Variants in RGS6 observed in about 807,000 individuals in gnomAD.
RGS6 encodes the protein regulator of G protein signaling 6.
In RGS6, 30 loss-of-function variants were observed where a neutral mutation model predicts 78.5. The ratio of observed to expected loss-of-function variants is 0.38; its 90% confidence interval spans 0.29 to 0.52. RGS6 has a LOEUF of 0.52. Among genes scored for constraint, RGS6 ranks in the 20% least tolerant of loss-of-function variants. The pLI is 0.85. For synonymous variants in RGS6, 206 were observed against 206.0 expected (o/e 1.00, Z 0.00); for missense variants, 495 against 609.7 (o/e 0.81, Z 1.98).
chr14:72,331,891 GAA>G (rs1413568949), intron 2 of RGS6, among the ~76,000 whole-genome samples: 1 of 152,146 alleles, frequency 6.6e-6, no homozygotes, highest in Non-Finnish European at 1.5e-5. Flanking sequence ...GTCCCTTAGA[GAA>G]AAAAGCTGTA....
chr14:72,627,525 A>G, the RGS6 span, among the ~76,000 whole-genome samples: 3 of 151,988 alleles, frequency 2.0e-5, no homozygotes, highest in South Asian at 6.2e-4. Flanking sequence ...CTCCTCATGC[A>G]TCAGTGCCAC....
the RGS6 span, among the ~76,000 whole-genome samples, chr14:72,576,382 T>C: frequency 6.6e-6 from 1 of 152,152 alleles, no homozygotes; most frequent in African/African-American, 2.4e-5. Context: ...CTATCTGTAG[T>C]AGAAATAAAA....
intron 3 of RGS6, among the ~76,000 whole-genome samples, chr14:72,384,809 G>C (rs1342454522): frequency 6.6e-6 from 1 of 152,078 alleles, no homozygotes; most frequent in Non-Finnish European, 1.5e-5. Flanking sequence ...GGAGTGCAGT[G>C]GTGCAATCTT....
the RGS6 span, among the ~76,000 whole-genome samples, chr14:71,881,377 G>T: frequency 6.6e-6 from 1 of 152,282 alleles, no homozygotes. Context: ...GGGAGGGGCT[G>T]GGGTGAAATG....
intron 2 of RGS6, among the ~76,000 whole-genome samples, chr14:72,246,244 C>T (rs118177807): frequency 6.6e-6 from 1 of 152,292 alleles, no homozygotes; most frequent in East Asian, 1.9e-4. Context: ...TTTGAGTTTG[C>T]TGCCTGCACA....
chr14:72,456,964 G>T (rs1026864327), intron 4 of RGS6, among the ~76,000 whole-genome samples: 2 of 151,444 alleles, frequency 1.3e-5, no homozygotes, highest in Non-Finnish European at 2.9e-5. Context: ...TGTGCCTGTG[G>T]TTCCAGCTAC....
intron 2 of RGS6, among the ~76,000 whole-genome samples, chr14:72,109,165 AT>A (rs1279830568): frequency 2.1e-5 from 3 of 144,212 alleles, no homozygotes; most frequent in African/African-American, 7.7e-5. Flanking sequence ...GCTCAATTTT[AT>A]TTTTTTCCCA....
chr14:72,133,550 C>T (rs577650495), intron 2 of RGS6, among the ~76,000 whole-genome samples: 40 of 152,260 alleles, frequency 2.6e-4, no homozygotes, highest in African/African-American at 9.6e-4. Flanking sequence ...GACTTGGCTA[C>T]TGTCCCCTGG....
intron 2 of RGS6, among the ~76,000 whole-genome samples, chr14:72,134,522 A>C (rs986935289): frequency 2.6e-5 from 4 of 152,264 alleles, no homozygotes; most frequent in African/African-American, 9.6e-5. Context: ...CCTTGGGCAC[A>C]AAAATGGAGG....
At chr14:72,447,301 G>T (rs764745084) in intron 3 of RGS6, among the ~76,000 whole-genome samples, 4 of 152,140 alleles carry the variant, frequency 2.6e-5, no homozygotes, top group Admixed American at 6.5e-5. Flanking sequence ...CGGGAAATGC[G>T]CATCCTGGAT....
At chr14:72,411,961 C>T (rs982039707) in intron 3 of RGS6, among the ~76,000 whole-genome samples, 8 of 152,084 alleles carry the variant, frequency 5.3e-5, no homozygotes, top group Admixed American at 2.6e-4. Flanking sequence ...TTGCTGGATT[C>T]GGTTTGCCAG....
In RGS6 at chr14:72,475,830, G is replaced by GCACGCA. The variant is rs1555424338; in HGVS notation, c.694-909_694-908insGCACAC. Among the ~76,000 whole-genome samples the GCACGCA allele has an allele frequency of 3.2e-4, 47 of 145,702 alleles. 1 individual carries two copies. Among genetic ancestry groups the GCACGCA allele is most frequent in the South Asian group, 1.1e-3 (5 of 4,440 alleles). On this transcript the variant is annotated intron_variant, in intron 10 of 17. Coordinates refer to ENST00000553525, the MANE Select transcript of RGS6 (RefSeq NM_001204424.2). ...ATGTATGCATTAAAAAAAAATACACGCACACACACACACACACACACACTA... is the reference window on the plus strand; with the variant it reads ...ATGTATGCATTAAAAAAAAATACACGCACGCACACACACACACACACACACACACTA...
intron 2 of RGS6, among the ~76,000 whole-genome samples, chr14:72,188,959 A>G (rs1347697090): frequency 1.3e-5 from 2 of 152,218 alleles, no homozygotes; most frequent in Non-Finnish European, 2.9e-5. Context: ...GGTTTGGGTC[A>G]TTATTCAATA....
chr14:72,623,634 A>G, the RGS6 span, among the ~76,000 whole-genome samples: 2 of 152,254 alleles, frequency 1.3e-5, no homozygotes, highest in Non-Finnish European at 2.9e-5. Flanking sequence ...AAGAAAATAG[A>G]AATGTAGGCC....
In RGS6 at chr14:72,563,331, T is replaced by C. The variant is rs149320498; in HGVS notation, c.*864T>C. ...CCTCATGTTTTACTCAAAATAAACATGGCCATGAACTCAGGGGCCATTGGG... is the reference window on the plus strand; with the variant it reads ...CCTCATGTTTTACTCAAAATAAACACGGCCATGAACTCAGGGGCCATTGGG... On this transcript the variant is annotated 3_prime_UTR_variant, in exon 18 of 18. Coordinates refer to ENST00000553525, the MANE Select transcript of RGS6 (RefSeq NM_001204424.2). 840 of 154,798 alleles carry C rather than the reference T, an allele frequency of 5.4e-3. 8 individuals carry two copies. Among genetic ancestry groups the C allele is most frequent in the African/African-American group, 0.012 (504 of 41,626 alleles). The allele number at this position is 154,798 out of a possible 1,614,324, so 9.6% of individuals were successfully genotyped here.
chr14:72,518,094 TAGA>T (rs1257607127), intron 14 of RGS6, among the ~76,000 whole-genome samples: 5 of 152,234 alleles, frequency 3.3e-5, no homozygotes, highest in Admixed American at 6.5e-5. Context: ...AACCTTCATG[TAGA>T]AGGAGAGAAA....
intron 13 of RGS6, among the ~76,000 whole-genome samples, chr14:72,499,902 AATG>A (rs1255337058): frequency 2.0e-5 from 3 of 152,088 alleles, no homozygotes; most frequent in Admixed American, 1.3e-4. Context: ...TTCTAAATAG[AATG>A]ATTTCAGCGC....
At chr14:72,604,736 G>T in the RGS6 span, among the ~76,000 whole-genome samples, 1 of 152,142 alleles carries the variant, frequency 6.6e-6, no homozygotes, top group African/African-American at 2.4e-5. Context: ...CCCCAGGGAG[G>T]CTCTCTGGAA....
intron 2 of RGS6, among the ~76,000 whole-genome samples, chr14:72,065,689 G>C (rs973497587): frequency 5.3e-5 from 8 of 152,180 alleles, no homozygotes; most frequent in Admixed American, 5.2e-4. Flanking sequence ...TTAACCCAGA[G>C]GGTTTTCAGA....
Sources: allele counts gnomAD v4.1 joint callset (sites outside exome capture counted in the v4.1 genomes callset), GRCh38; gene constraint gnomAD v4.1.1; transcripts MANE v1.5; gene names NCBI Gene and HGNC (gene_info 2026-07-23, HGNC 2026-07-21).